Variants in CD177 observed in about 807,000 individuals in gnomAD.
CD177 encodes the protein CD177 molecule, also known as CD177 antigen.
CD177 carries 41 observed loss-of-function variants against 38.1 expected under a neutral mutation model. The observed-to-expected ratio is 1.07, with a 90% confidence interval of 0.84 to 1.39. CD177 has a LOEUF of 1.39. CD177 is among the 40% of genes most tolerant of loss of function. The pLI is 0.00. For missense variants in CD177, 619 were observed against 523.8 expected, an observed-to-expected ratio of 1.18 and a Z score of -1.77; for synonymous variants, 236 against 216.7, an observed-to-expected ratio of 1.09 and a Z score of -0.78.
chr19:43,354,158 C>T, intron 2 of CD177, 49 bp from the exon 3 acceptor site: 2 of 1,582,086 alleles, frequency 1.3e-6, no homozygotes, highest in South Asian at 1.1e-5. Context: ...CCCTCCAGGA[C>T]CCTGGAGGCC....
Position 43,362,087 on chromosome 19 carries a change from G to C in CD177, c.1082-1G>C, listed in dbSNP as rs773632781. The stretch of plus-strand genomic sequence containing the variant: ...TTTCTGACTTGGTCTTCTCCCTCTA[G>C]GTGGGCTGTCCACCAAAATGAGCAT... On this transcript the variant is annotated splice_acceptor_variant, in intron 8 of 8. Coordinates refer to ENST00000618265, the MANE Select transcript of CD177 (RefSeq NM_020406.4). LOFTEE classifies it high-confidence loss of function. The C allele has an allele frequency of 6.2e-7, 1 of 1,613,378 alleles. No homozygotes were observed. The highest frequency in any genetic ancestry group is 8.5e-7 in the Non-Finnish European group (1 of 1,179,480).
rs1490894252 is a variant in CD177, at chr19:43,356,073, G to T, written c.584G>T (p.Gly195Val). The change falls in exon 5 of 9, where the codon GGG (glycine) becomes GTG (valine). Residue 195 changes from glycine (G) to valine (V), a missense_variant. By Grantham distance (109) the Gly-to-Val change is moderately radical. Transcript: ENST00000618265. Reference sequence around the variant, plus strand: ...CTGCTCAATGGGACACAGGAAATTGGGCCCGTGGGTATGACTGAGAACTGC... The same window carrying T: ...CTGCTCAATGGGACACAGGAAATTGTGCCCGTGGGTATGACTGAGAACTGC... ...CNLLNGTQEI[G>V]PVGMTENCDM... 7 of 649,074 alleles carry T rather than the reference G, an allele frequency of 1.1e-5. No homozygotes were observed. Among genetic ancestry groups the T allele is most frequent in the Non-Finnish European group, 1.9e-5 (7 of 361,822 alleles). The allele number at this position is 649,074 out of a possible 1,614,324, so 40.2% of individuals were successfully genotyped here. A position where few individuals can be genotyped will look rare whatever the true frequency, so the allele number is the denominator to read the frequency against.
At chr19:43,354,079 G>A in intron 2 of CD177, 86 bp downstream of exon 2, 3 of 1,572,102 alleles carry the variant, frequency 1.9e-6, no homozygotes, top group Non-Finnish European at 2.6e-6. Context: ...CACCCCTCCG[G>A]GGGATCGACT....
chr19:43,355,903 C>T (rs1211174567), intron 4 of CD177, 89 bp from the exon 5 acceptor site: 12 of 1,343,216 alleles, frequency 8.9e-6, no homozygotes, highest in Middle Eastern at 2.2e-4. Flanking sequence ...GGAGGGTGGG[C>T]CTGGCTTCCT....
intron 3 of CD177, among the ~76,000 whole-genome samples, chr19:43,354,987 G>C: frequency 6.7e-6 from 1 of 149,526 alleles, no homozygotes; most frequent in Non-Finnish European, 1.5e-5. Flanking sequence ...GCCAGACTTT[G>C]TTGAAAGGTT....
Position 43,362,617 on chromosome 19 carries a change from C to A in CD177, c.*297C>A, listed in dbSNP as rs1215457452. ...TTCTCCATGTGAGGGGGCAGCAGGA[C>A]ACCCAGGGATCTAGCGTGGGGGAGG... On this transcript the variant is annotated 3_prime_UTR_variant, in exon 9 of 9. Coordinates refer to ENST00000618265, the MANE Select transcript of CD177 (RefSeq NM_020406.4). 3.7e-6 allele frequency: 1 copy of A among 272,718 alleles called. No individual in the cohort carries two copies. The highest frequency in any genetic ancestry group is 6.8e-6 in the Non-Finnish European group (1 of 146,074). 16.9% of individuals were successfully genotyped at this position (272,718 alleles called of 1,614,324 possible).
chr19:43,363,944 G>C (rs1970008280), downstream of CD177, among the ~76,000 whole-genome samples: 1 of 152,126 alleles, frequency 6.6e-6, no homozygotes, highest in Admixed American at 6.5e-5. Flanking sequence ...CAAAAAATAA[G>C]CCGGGTGTGG....
rs1468651938 is a variant in CD177 at position 43,362,097 on chromosome 19, C to T, written c.1091C>T (p.Ser364Phe). 2 of 1,613,496 alleles carry T rather than the reference C, an allele frequency of 1.2e-6. No individual in the cohort carries two copies. Among genetic ancestry groups the T allele is most frequent in the Non-Finnish European group, 1.7e-6 (2 of 1,179,580 alleles). Residue 364 changes from serine (S) to phenylalanine (F), a missense_variant, in exon 9 of 9, where the codon TCC becomes TTC. Transcript: ENST00000618265. ...GYIHLSGGGL[S>F]TKMSIQGCVA... ...GGTCTTCTCCCTCTAGGTGGGCTGT[C>T]CACCAAAATGAGCATTCAGGGCTGC...
At chr19:43,360,224 G>T in intron 5 of CD177, 41 bp from the exon 6 acceptor site, 1 of 1,604,434 alleles carries the variant, frequency 6.2e-7, no homozygotes. Flanking sequence ...CAGACATGGT[G>T]GGTTCCTGGC....
At position 43,362,495 on chromosome 19, in the gene CD177, G is replaced by A; in HGVS notation, c.*175G>A. The A allele has an allele frequency of 1.9e-6, 1 of 523,442 alleles. No individual in the cohort carries two copies. The highest frequency in any genetic ancestry group is 3.4e-5 in the Admixed American group (1 of 29,524). The allele number at this position is 523,442 out of a possible 1,614,324, so 32.4% of individuals were successfully genotyped here. On this transcript the variant is annotated 3_prime_UTR_variant, in exon 9 of 9. Transcript: ENST00000618265. Reference sequence around the variant, plus strand: ...CTAACAGCAACACTGGGGAGAGCCTGGAGCATCCGGACTTGCCCTATGGGA... The same window carrying A: ...CTAACAGCAACACTGGGGAGAGCCTAGAGCATCCGGACTTGCCCTATGGGA...
chr19:43,360,740 T>C (rs1969950754), intron 6 of CD177: 1 of 417,262 alleles, frequency 2.4e-6, no homozygotes, highest in South Asian at 3.2e-5. Flanking sequence ...GCAGATCCAA[T>C]CCCATCTGTA....
At position 43,354,334 on chromosome 19, in the gene CD177, G is replaced by A. The variant is rs1969890120; in HGVS notation, c.321G>A (p.Glu107=). The A allele has an allele frequency of 1.2e-6, 2 of 1,613,802 alleles. No individual in the cohort carries two copies. The highest frequency in any genetic ancestry group is 1.1e-5 in the South Asian group (1 of 91,084). ...LISYTFVCRQ[E]DFCNNLVNSL... ...CCTACACCTTCGTGTGCCGCCAGGA[G>A]GACTTCTGCAACAACCTCGTTAACT... The change falls in exon 3 of 9, where the codon GAG becomes GAA. Residue 107 remains glutamate (E), a synonymous_variant. Transcript: ENST00000618265.
downstream of CD177, among the ~76,000 whole-genome samples, chr19:43,365,720 C>T (rs554420633): frequency 1.7e-3 from 250 of 149,672 alleles, no homozygotes; most frequent in African/African-American, 5.7e-3. Flanking sequence ...GGCGCCAGCT[C>T]ACCGTGAGGA....
In CD177 at chr19:43,355,705, T is replaced by C; in HGVS notation, c.424T>C (p.Cys142Arg). The change falls in exon 4 of 9, where the codon TGT becomes CGT. Residue 142 changes from cysteine (C) to arginine (R), a missense_variant. Cys to Arg is a radical substitution (Grantham distance 180, BLOSUM62 -3). Coordinates refer to ENST00000618265, the MANE Select transcript of CD177 (RefSeq NM_020406.4). ...CCCAGTCTGCTTGTCTATGGAAGGC[T>C]GTCTGGAGGGGACAACAGAAGAGAT... is the stretch of plus-strand genomic sequence containing the variant. ...RCPVCLSMEGCLEGTTEEICP... is the reference protein window; with the variant it reads ...RCPVCLSMEGRLEGTTEEICP... The C allele has an allele frequency of 6.2e-7, 1 of 1,613,020 alleles. No homozygotes were observed. The highest frequency in any genetic ancestry group is 8.5e-7 in the Non-Finnish European group (1 of 1,179,378).
chr19:43,364,325 T>G (rs1433061133), downstream of CD177, among the ~76,000 whole-genome samples: 1 of 152,198 alleles, frequency 6.6e-6, no homozygotes, highest in African/African-American at 2.4e-5. Flanking sequence ...CCACATTGTC[T>G]TCCCACTTCC....
rs1206501331 is a variant in CD177 at position 43,353,729 on chromosome 19, A to T, written c.15A>T (p.Leu5Phe). The T allele has an allele frequency of 6.2e-7, 1 of 1,613,704 alleles. No homozygotes were observed. The highest frequency in any genetic ancestry group is 8.5e-7 in the Non-Finnish European group (1 of 1,179,840). The change falls in exon 1 of 9, where the codon TTA becomes TTT. Residue 5 changes from leucine (L) to phenylalanine (F), a missense_variant. Coordinates refer to ENST00000618265, the MANE Select transcript of CD177 (RefSeq NM_020406.4). ...ACAGACGGGTCATGAGCGCGGTATT[A>T]CTGCTGGCCCTCCTGGGGTTCATCC... is the stretch of plus-strand genomic sequence containing the variant. The part of the protein sequence containing the change: MSAV[L>F]LLALLGFILP...
In CD177 at chr19:43,362,192, C is replaced by A. The variant is rs369897962; in HGVS notation, c.1186C>A (p.Arg396Ser). The A allele has an allele frequency of 6.2e-7, 1 of 1,612,888 alleles. No individual in the cohort carries two copies. Among genetic ancestry groups the A allele is most frequent in the East Asian group, 2.2e-5 (1 of 44,750 alleles). The change falls in exon 9 of 9, where the codon CGT becomes AGT. Residue 396 changes from arginine to serine, a missense_variant. Coordinates refer to ENST00000618265, the MANE Select transcript of CD177 (RefSeq NM_020406.4). Reference sequence around the variant, plus strand: ...CGGGATCTTCTCTGCGCGTGAGAAGCGTGATGTGCAGCCTCCTGCCTCTCA... The same window carrying A: ...CGGGATCTTCTCTGCGCGTGAGAAGAGTGATGTGCAGCCTCCTGCCTCTCA... ...QIGIFSAREK[R>S]DVQPPASQHE... is the part of the protein sequence containing the mutation.
chr19:43,362,406 C>T lies in CD177; in HGVS notation c.*86C>T. On this transcript the variant is annotated 3_prime_UTR_variant, in exon 9 of 9. Transcript: ENST00000618265. ...CTCATAACCTAATGGCCTTGGACAC[C>T]AGATTCTTTCCCATTCTGTCCATGA... The T allele has an allele frequency of 1.6e-6, 1 of 612,750 alleles. No homozygotes were observed. Among genetic ancestry groups the T allele is most frequent in the South Asian group, 2.0e-5 (1 of 49,080 alleles). 38.0% of individuals were successfully genotyped at this position (612,750 alleles called of 1,614,324 possible).
In CD177 at chr19:43,353,860, G is replaced by A. The variant is rs1163915204; in HGVS notation, c.60G>A (p.Gln20=). ...LGFILPLPGV[Q]ALLCQFGTVQ... ...TTGCTCTTGCCACTCCAGGAGTGCA[G>A]GCGCTGCTCTGCCAGTTTGGGACAG... The change falls in exon 2 of 9, where the codon CAG becomes CAA. Residue 20 remains glutamine (Q), a synonymous_variant. Transcript: ENST00000618265. 1.2e-6 allele frequency: 2 copies of A among 1,613,876 alleles called. No individual in the cohort carries two copies. Among genetic ancestry groups the A allele is most frequent in the South Asian group, 2.2e-5 (2 of 91,084 alleles).
Sources: allele counts gnomAD v4.1 joint callset (sites outside exome capture counted in the v4.1 genomes callset), GRCh38; gene constraint gnomAD v4.1.1; transcripts MANE v1.5; gene names NCBI Gene and HGNC (gene_info 2026-07-23, HGNC 2026-07-21).